The following EXOC3L4 variants were observed in gnomAD, a reference collection of about 807,000 sequenced individuals.
The protein encoded by EXOC3L4 is exocyst complex component 3 like 4.
EXOC3L4 carries 62 observed loss-of-function variants against 69.7 expected under a neutral mutation model. That is an observed-to-expected ratio of 0.89 (90% CI 0.72 to 1.10). EXOC3L4 has a LOEUF of 1.10. Ranked by LOEUF, EXOC3L4 falls within the 50% of genes least tolerant of loss-of-function variation. The probability of loss-of-function intolerance (pLI) is 0.00; values close to 1 mark genes in which losing one functional copy is unlikely to be tolerated. For synonymous variants in EXOC3L4, 502 were observed against 464.2 expected, an observed-to-expected ratio of 1.08 and a Z score of -1.05; for missense variants, 1,087 against 1,034.8, an observed-to-expected ratio of 1.05 and a Z score of -0.69.
intron 1 of EXOC3L4, among the ~76,000 whole-genome samples, chr14:103,096,832 G>A (rs945620052): frequency 3.3e-5 from 5 of 152,216 alleles, no homozygotes; most frequent in Non-Finnish European, 5.9e-5. Context: ...ATCCGAGGAG[G>A]CAGCATTGAG....
chr14:103,106,487 G>A (rs780935277), intron 7 of EXOC3L4, among the ~76,000 whole-genome samples: 1 of 152,190 alleles, frequency 6.6e-6, no homozygotes, highest in Non-Finnish European at 1.5e-5. Context: ...TAAGGCTCAG[G>A]GTAGGGTATG....
Position 103,106,834 on chromosome 14 carries a change from C to T in EXOC3L4, c.1516C>T (p.Pro506Ser), listed in dbSNP as rs1356497193. The part of the protein sequence containing the change: ...FPGTQEELEK[P>S]LVTATCSFQK... ...AGGAACCCAAGAGGAGCTGGAGAAG[C>T]CCCTGGTGACGGCCACCTGCAGCTT... The change falls in exon 8 of 12, where the codon CCC becomes TCC. Residue 506 changes from proline (P) to serine (S), a missense_variant. Transcript: ENST00000688303. 8.8e-6 allele frequency: 14 copies of T among 1,596,002 alleles called. No homozygotes were observed. Among genetic ancestry groups the T allele is most frequent in the African/African-American group, 1.3e-5 (1 of 74,784 alleles).
rs1890643961 is a variant in EXOC3L4 at position 103,107,646 on chromosome 14, G to T, written c.1717G>T (p.Val573Leu). ...GGCCGCCCAGGAGACTCTGCAGGAGGTGCACCGGTTCGTGGTCCGCGAGTA... is the reference window on the plus strand; with the variant it reads ...GGCCGCCCAGGAGACTCTGCAGGAGTTGCACCGGTTCGTGGTCCGCGAGTA... ...RPRAQETLQEVHRFVVREYLA... is the reference protein window; with the variant it reads ...RPRAQETLQELHRFVVREYLA... Residue 573 changes from valine (V) to leucine (L), a missense_variant, in exon 10 of 12, where the codon GTG (valine) becomes TTG (leucine). Val to Leu is a conservative substitution (Grantham distance 32, BLOSUM62 1). Coordinates refer to ENST00000688303, the MANE Select transcript of EXOC3L4 (RefSeq NM_001077594.2). 6.3e-7 allele frequency: 1 copy of T among 1,585,900 alleles called. No homozygotes were observed. The highest frequency in any genetic ancestry group is 1.1e-5 in the South Asian group (1 of 88,476).
Position 103,107,655 on chromosome 14 carries a change from T to C in EXOC3L4, c.1726T>C (p.Phe576Leu). The change falls in exon 10 of 12, where the codon TTC (phenylalanine) becomes CTC (leucine). Residue 576 changes from phenylalanine (F) to leucine (L), a missense_variant. Phe to Leu is a conservative substitution (Grantham distance 22). Coordinates refer to ENST00000688303, the MANE Select transcript of EXOC3L4 (RefSeq NM_001077594.2). ...AQETLQEVHRFVVREYLARAL... is the reference protein window; with the variant it reads ...AQETLQEVHRLVVREYLARAL... ...GGAGACTCTGCAGGAGGTGCACCGGTTCGTGGTCCGCGAGTACCTGGCGCG... is the reference window on the plus strand; with the variant it reads ...GGAGACTCTGCAGGAGGTGCACCGGCTCGTGGTCCGCGAGTACCTGGCGCG... 3 of 1,577,780 alleles carry C rather than the reference T, an allele frequency of 1.9e-6. No individual in the cohort carries two copies. Among genetic ancestry groups the C allele is most frequent in the Non-Finnish European group, 2.6e-6 (3 of 1,160,944 alleles).
chr14:103,102,751 G>T lies in EXOC3L4; in HGVS notation c.1028G>T (p.Trp343Leu). ...GAGCAGCTCTATATCCTGCTGGACT[G>T]GGCCGCCAACGTCTACGGCAGGTGA... ...GCEQLYILLD[W>L]AANVYGSPDF... Residue 343 changes from tryptophan to leucine, a missense_variant, in exon 3 of 12, where the codon TGG becomes TTG. Transcript: ENST00000688303. 1 of 1,375,860 alleles carries T rather than the reference G, an allele frequency of 7.3e-7. No homozygotes were observed. The highest frequency in any genetic ancestry group is 3.1e-5 in the East Asian group (1 of 32,626). The allele number at this position is 1,375,860 out of a possible 1,614,324, so 85.2% of individuals were successfully genotyped here.
chr14:103,100,043 C>A, intron 1 of EXOC3L4, 161 bp from the exon 2 acceptor site: 1 of 728,326 alleles, frequency 1.4e-6, no homozygotes, highest in Non-Finnish European at 2.1e-6. Flanking sequence ...ACACTGAGGG[C>A]TCTCGCCAAG....
Position 103,108,774 on chromosome 14 carries a change from C to T in EXOC3L4, c.1976+257C>T, listed in dbSNP as rs142206397. ...CCAGTCCTGGAATCTGAGGGGGAGG[C>T]GGACCCCCCACCCCTGGGGAGAAAG... is the stretch of plus-strand genomic sequence containing the variant. On this transcript the variant is annotated intron_variant, in intron 11 of 11. Coordinates refer to ENST00000688303, the MANE Select transcript of EXOC3L4 (RefSeq NM_001077594.2). 3.1e-4 allele frequency among the ~76,000 whole-genome samples: 47 copies of T among 152,226 alleles called. No individual in the cohort carries two copies. In the East Asian group the frequency reaches 7.4e-3, roughly 24 times the overall value.
In EXOC3L4 at chr14:103,104,288, G is replaced by A. The variant is rs751717310; in HGVS notation, c.1183G>A (p.Asp395Asn). 6.3e-7 allele frequency: 1 copy of A among 1,596,098 alleles called. No homozygotes were observed. Reference protein sequence around the residue: ...FLEAKIASCFDSILQLEQSHW... With the variant: ...FLEAKIASCFNSILQLEQSHW... ...CCAGGCCAAGATCGCAAGCTGCTTC[G>A]ACAGCATCTTGCAGCTGGAGCAGAG... Residue 395 changes from aspartate to asparagine, a missense_variant, in exon 5 of 12, where the codon GAC (aspartate) becomes AAC (asparagine). Physicochemically the swap from Asp to Asn is conservative, Grantham distance 23. Transcript: ENST00000688303.
At chr14:103,109,983 G>T in intron 11 of EXOC3L4, 48 bp from the exon 12 acceptor site, 1 of 1,521,904 alleles carries the variant, frequency 6.6e-7, no homozygotes, top group African/African-American at 1.4e-5. Flanking sequence ...GGGGCTGGGG[G>T]TGTTGCGGAG....
chr14:103,110,214 C>T lies in EXOC3L4; in HGVS notation c.2160C>T (p.Thr720=). Reference sequence around the variant, plus strand: ...CCAGTGCCATGGCTGTGCTGATCACCTGCGTCTAGTTCTCTCTGGCTCGAG... The same window carrying T: ...CCAGTGCCATGGCTGTGCTGATCACTTGCGTCTAGTTCTCTCTGGCTCGAG... ...KVPSAMAVLI[T]CV Residue 720 remains threonine (T), a synonymous_variant, in exon 12 of 12, where the codon ACC becomes ACT. Coordinates refer to ENST00000688303, the MANE Select transcript of EXOC3L4 (RefSeq NM_001077594.2). 6.6e-7 allele frequency: 1 copy of T among 1,507,868 alleles called. No homozygotes were observed. The highest frequency in any genetic ancestry group is 1.3e-5 in the South Asian group (1 of 77,912). The allele number at this position is 1,507,868 out of a possible 1,614,324, so 93.4% of individuals were successfully genotyped here.
Position 103,110,511 on chromosome 14 carries a change from T to G in EXOC3L4, c.*288T>G, listed in dbSNP as rs1372516954. ...GACTGTCCAGCTTCACCCTCCAGTCTGAAAGTGAAGAGCAGAGTATTTATT... is the reference window on the plus strand; with the variant it reads ...GACTGTCCAGCTTCACCCTCCAGTCGGAAAGTGAAGAGCAGAGTATTTATT... On this transcript the variant is annotated 3_prime_UTR_variant, in exon 12 of 12. Coordinates refer to ENST00000688303, the MANE Select transcript of EXOC3L4 (RefSeq NM_001077594.2). 3.6e-6 allele frequency: 2 copies of G among 556,360 alleles called. No homozygotes were observed. The highest frequency in any genetic ancestry group is 2.9e-5 in the Admixed American group (1 of 34,100). The allele number at this position is 556,360 out of a possible 1,614,324, so 34.5% of individuals were successfully genotyped here.
chr14:103,104,553 G>A (rs1890424168), intron 5 of EXOC3L4, 164 bp downstream of exon 5: 1 of 1,300,336 alleles, frequency 7.7e-7, no homozygotes, highest in Non-Finnish European at 1.0e-6. Context: ...GCGCGCCGAC[G>A]GGCAGGGAGG....
At position 103,102,207 on chromosome 14, in the gene EXOC3L4, G is replaced by A. The variant is rs373034943; in HGVS notation, c.484G>A (p.Glu162Lys). The A allele has an allele frequency of 2.8e-5, 44 of 1,595,658 alleles. No homozygotes were observed. The highest frequency in any genetic ancestry group is 2.3e-4 in the African/African-American group (17 of 74,578). The stretch of plus-strand genomic sequence containing the variant: ...GCGCCTGGAGACGCTGCTGGTGGCC[G>A]AGAAGGCCTCGCGCACCTTTGAGCA... ...LLRLETLLVAEKASRTFEQDP... is the reference protein window; with the variant it reads ...LLRLETLLVAKKASRTFEQDP... Residue 162 changes from glutamate (E) to lysine (K), a missense_variant, in exon 3 of 12, where the codon GAG (glutamate) becomes AAG (lysine). Glu to Lys is a moderately conservative substitution (Grantham distance 56). Coordinates refer to ENST00000688303, the MANE Select transcript of EXOC3L4 (RefSeq NM_001077594.2).
intron 1 of EXOC3L4, among the ~76,000 whole-genome samples, chr14:103,099,124 T>C (rs1290938449): frequency 6.6e-6 from 1 of 151,956 alleles, no homozygotes; most frequent in Non-Finnish European, 1.5e-5. Flanking sequence ...GCCCTGGGGC[T>C]GGGCTAGGGG....
chr14:103,107,012 GGT>G, intron 8 of EXOC3L4, 113 bp downstream of exon 8: 18 of 941,792 alleles, frequency 1.9e-5, no homozygotes, highest in Middle Eastern at 2.2e-4. Context: ...TGAGCTCATG[GGT>G]GTGTGTGTAG....
rs1890447920 is a variant in EXOC3L4 at position 103,104,901 on chromosome 14, G to A, written c.1385+63G>A. ...GGTGCGCTCTGCAGGTGGGAGGGAG[G>A]AGTCTGCGTAGGGACCTGATTGGGA... On this transcript the variant is annotated intron_variant, in intron 6 of 11. Coordinates refer to ENST00000688303, the MANE Select transcript of EXOC3L4 (RefSeq NM_001077594.2). 3 of 1,552,958 alleles carry A rather than the reference G, an allele frequency of 1.9e-6. No homozygotes were observed. The South Asian group carries it at 3.5e-5, about 18-fold the overall frequency.
rs1297802477 is a variant in EXOC3L4, at chr14:103,102,736, A to C, written c.1013A>C (p.Tyr338Ser). 1.4e-5 allele frequency: 20 copies of C among 1,426,670 alleles called. No individual in the cohort carries two copies. The highest frequency in any genetic ancestry group is 2.8e-5 in the Admixed American group (1 of 35,374). 88.4% of individuals were successfully genotyped at this position (1,426,670 alleles called of 1,614,324 possible). A position where few individuals can be genotyped will look rare whatever the true frequency, so the allele number is the denominator to read the frequency against. ...GACGCCCGCGGCTGCGAGCAGCTCTATATCCTGCTGGACTGGGCCGCCAAC... is the reference window on the plus strand; with the variant it reads ...GACGCCCGCGGCTGCGAGCAGCTCTCTATCCTGCTGGACTGGGCCGCCAAC... The part of the protein sequence containing the change: ...ARDARGCEQL[Y>S]ILLDWAANVY... Residue 338 changes from tyrosine to serine, a missense_variant, in exon 3 of 12, where the codon TAT becomes TCT. By Grantham distance (144) the Tyr-to-Ser change is moderately radical (BLOSUM62 -2). Coordinates refer to ENST00000688303, the MANE Select transcript of EXOC3L4 (RefSeq NM_001077594.2).
intron 2 of EXOC3L4, among the ~76,000 whole-genome samples, 176 bp downstream of exon 2, chr14:103,100,789 G>A (rs978457089): frequency 6.6e-6 from 1 of 152,128 alleles, no homozygotes; most frequent in East Asian, 1.9e-4. Flanking sequence ...AGGCTGGCAT[G>A]CAGTGGTGCA....
rs1356499863 is a variant in EXOC3L4 at position 103,105,005 on chromosome 14, T to C, written c.1399T>C (p.Phe467Leu). ...ATCCCGCCCCAGGTTTGAAAAGGCT[T>C]TTCTGGCGTCGGAGGCGGTGAGCGA... Reference protein sequence around the residue: ...GLFVPRFEKAFLASEAVSEPH... With the variant: ...GLFVPRFEKALLASEAVSEPH... The change falls in exon 7 of 12, where the codon TTT (phenylalanine) becomes CTT (leucine). Residue 467 changes from phenylalanine to leucine, a missense_variant. Transcript: ENST00000688303. 1 of 1,612,444 alleles carries C rather than the reference T, an allele frequency of 6.2e-7. No homozygotes were observed. Among genetic ancestry groups the C allele is most frequent in the Non-Finnish European group, 8.5e-7 (1 of 1,178,870 alleles).
Sources: allele counts gnomAD v4.1 joint callset (sites outside exome capture counted in the v4.1 genomes callset), GRCh38; gene constraint gnomAD v4.1.1; transcripts MANE v1.5; gene names NCBI Gene and HGNC (gene_info 2026-07-23, HGNC 2026-07-21).